Variants in CFAP299 observed in about 807,000 individuals in gnomAD.
The protein encoded by CFAP299 is cilia and flagella associated protein 299.
A neutral mutation model predicts 27.0 loss-of-function variants in CFAP299; 21 were observed. The ratio of observed to expected loss-of-function variants is 0.78; its 90% CI spans 0.55 to 1.12. The LOEUF (loss-of-function observed/expected upper bound fraction) is 1.12. Among genes scored for constraint, CFAP299 ranks in the 50% most tolerant of loss-of-function variants. The pLI is 0.00. For missense variants in CFAP299, 310 were observed against 276.6 expected (o/e 1.12, Z -0.86); for synonymous variants, 104 against 98.1 (o/e 1.06, Z -0.36).
At chr4:80,388,350 C>G (rs1725135257) in intron 2 of CFAP299, 2 of 682,486 alleles carry the variant, frequency 2.9e-6, no homozygotes, top group South Asian at 1.6e-5. Context: ...GACAGGGGCA[C>G]TGTGATGTAT....
intron 1 of CFAP299, among the ~76,000 whole-genome samples, chr4:80,343,720 T>C (rs4690155): frequency 0.86 from 128,365 of 149,500 alleles, 55,318 homozygotes; most frequent in African/African-American, 0.95. Context: ...ACCCGGGAAG[T>C]GGAGCTTGCA....
chr4:80,692,495 T>C, intron 3 of CFAP299, among the ~76,000 whole-genome samples: 1 of 152,142 alleles, frequency 6.6e-6, no homozygotes, highest in East Asian at 1.9e-4. Flanking sequence ...TAGCCATATG[T>C]AGAAAGCTGA....
intron 3 of CFAP299, among the ~76,000 whole-genome samples, chr4:80,817,499 G>GGT (rs1729481305): frequency 6.6e-6 from 1 of 151,712 alleles, no homozygotes; most frequent in African/African-American, 2.4e-5. Flanking sequence ...AGATTCCCTT[G>GGT]GTCCCTTATG....
In CFAP299 at chr4:80,905,101, A is replaced by G. The variant is rs139381076; in HGVS notation, c.476+34966A>G. Among the ~76,000 whole-genome samples, 469 of 152,300 alleles carry G rather than the reference A, an allele frequency of 3.1e-3. 2 individuals carry two copies. Among genetic ancestry groups the G allele is most frequent in the African/African-American group, 0.011 (450 of 41,562 alleles). Reference sequence around the variant, plus strand: ...TCAAATTCTTATAAGTTAAAATAGAACCTATCCTTTTTAGGTTGAAGGGCC... The same window carrying G: ...TCAAATTCTTATAAGTTAAAATAGAGCCTATCCTTTTTAGGTTGAAGGGCC... On this transcript the variant is annotated intron_variant, in intron 4 of 5. Transcript: ENST00000358105.
chr4:80,611,929 T>G (rs987205278), intron 3 of CFAP299, among the ~76,000 whole-genome samples: 1 of 152,112 alleles, frequency 6.6e-6, no homozygotes, highest in Non-Finnish European at 1.5e-5. Context: ...TATACCTGAT[T>G]ATGAGGGCAA....
chr4:80,677,195 T>G (rs1387199808), intron 3 of CFAP299, among the ~76,000 whole-genome samples: 2 of 152,258 alleles, frequency 1.3e-5, no homozygotes, highest in South Asian at 2.1e-4. Flanking sequence ...TCTTTATTTC[T>G]TCATTCACCC....
chr4:80,463,803 T>C (rs1427248995), intron 2 of CFAP299, among the ~76,000 whole-genome samples: 1 of 152,078 alleles, frequency 6.6e-6, no homozygotes, highest in Non-Finnish European at 1.5e-5. Context: ...CACAATTCAG[T>C]CCATAACATT....
chr4:80,678,518 CTA>C (rs1668024943), intron 3 of CFAP299, among the ~76,000 whole-genome samples: 1 of 151,978 alleles, frequency 6.6e-6, no homozygotes, highest in African/African-American at 2.4e-5. Context: ...ATTATTAACT[CTA>C]TTTTGTCTTT....
chr4:80,604,420 G>C lies in CFAP299; in HGVS notation c.333+21237G>C, dbSNP rs1487607550. Among the ~76,000 whole-genome samples, 3 of 152,272 alleles carry C rather than the reference G, an allele frequency of 2.0e-5. No individual in the cohort carries two copies. In the East Asian group the frequency reaches 5.8e-4, roughly 29 times the overall value. ...GGCACTGGTGGGTCCCTGGGCATCA[G>C]TCCAGTGCTCCGCTCTCTAGGTACA... On this transcript the variant is annotated intron_variant, in intron 3 of 5. Coordinates refer to ENST00000358105, the MANE Select transcript of CFAP299 (RefSeq NM_152770.3).
At chr4:80,447,853 G>A (rs1254172495) in intron 2 of CFAP299, among the ~76,000 whole-genome samples, 5 of 151,994 alleles carry the variant, frequency 3.3e-5, no homozygotes, top group African/African-American at 9.7e-5. Context: ...TCTATACTCT[G>A]GCCAGTTTAA....
chr4:80,690,510 A>C (rs1051393596), intron 3 of CFAP299, among the ~76,000 whole-genome samples: 19 of 151,874 alleles, frequency 1.3e-4, no homozygotes, highest in African/African-American at 3.4e-4. Context: ...ACAAAGACAC[A>C]ACATACCAGA....
intron 3 of CFAP299, among the ~76,000 whole-genome samples, chr4:80,595,708 A>C (rs935831553): frequency 6.6e-6 from 1 of 152,234 alleles, no homozygotes; most frequent in African/African-American, 2.4e-5. Context: ...GGACCTAAGA[A>C]ATGAAAGTGT....
intron 4 of CFAP299, among the ~76,000 whole-genome samples, chr4:80,904,796 G>A (rs1437761508): frequency 6.6e-6 from 1 of 152,174 alleles, no homozygotes; most frequent in Non-Finnish European, 1.5e-5. Flanking sequence ...TTAGTGAGAA[G>A]GGTGGAACCT....
At chr4:80,801,134 G>T (rs182790065) in intron 3 of CFAP299, among the ~76,000 whole-genome samples, 11 of 149,930 alleles carry the variant, frequency 7.3e-5, no homozygotes, top group African/African-American at 2.2e-4. Context: ...TCAATACTTT[G>T]CATCTTTCAG....
intron 3 of CFAP299, among the ~76,000 whole-genome samples, chr4:80,800,949 G>A (rs1209904506): frequency 6.6e-6 from 1 of 150,974 alleles, no homozygotes; most frequent in Non-Finnish European, 1.5e-5. Context: ...CTGTTCACGG[G>A]AGAAAGATGT....
chr4:80,797,576 G>A (rs750556412), intron 3 of CFAP299, among the ~76,000 whole-genome samples: 14 of 152,068 alleles, frequency 9.2e-5, no homozygotes, highest in Non-Finnish European at 4.4e-5. Flanking sequence ...CCACCACTTG[G>A]CCCCTGCCAC....
chr4:80,584,645 A>G (rs892092169), intron 3 of CFAP299, among the ~76,000 whole-genome samples: 1 of 151,992 alleles, frequency 6.6e-6, no homozygotes, highest in African/African-American at 2.4e-5. Context: ...GGATCATCTT[A>G]TACCTCCAGT....
chr4:80,427,619 A>G (rs1727591011), intron 2 of CFAP299, among the ~76,000 whole-genome samples: 1 of 152,304 alleles, frequency 6.6e-6, no homozygotes, highest in Admixed American at 6.5e-5. Flanking sequence ...TGGATCCTCA[A>G]AGAGTTATGT....
Position 80,372,978 on chromosome 4 carries a change from C to T in CFAP299, c.242+10094C>T, listed in dbSNP as rs183183343. Among the ~76,000 whole-genome samples, 11 of 152,306 alleles carry T rather than the reference C, an allele frequency of 7.2e-5. No homozygotes were observed. In the East Asian group the frequency reaches 1.7e-3, roughly 24 times the overall value. ...TAGTCTGTTCCAGCAAGTAGCACTG[C>T]AACTGCAATTAGGGCTACTACTTGG... On this transcript the variant is annotated intron_variant, in intron 2 of 5. Transcript: ENST00000358105.
Sources: allele counts gnomAD v4.1 joint callset (sites outside exome capture counted in the v4.1 genomes callset), GRCh38; gene constraint gnomAD v4.1.1; transcripts MANE v1.5; gene names NCBI Gene and HGNC (gene_info 2026-07-23, HGNC 2026-07-21).